The following VRK1 variants were observed in gnomAD, a reference collection of about 807,000 sequenced individuals.
VRK1 encodes the protein VRK serine/threonine kinase 1, also known as serine/threonine-protein kinase VRK1.
In VRK1, 33 loss-of-function variants were observed where a neutral mutation model predicts 57.1. The observed-to-expected ratio is 0.58, with a 90% CI of 0.44 to 0.77. The LOEUF is 0.77. Ranked by LOEUF, VRK1 falls within the 30% of genes least tolerant of loss-of-function variation. The pLI is 0.00. For missense variants in VRK1, 413 were observed against 477.3 expected (o/e 0.87, Z 1.25); for synonymous variants, 137 against 147.8 (o/e 0.93, Z 0.53).
At chr14:96,851,543 T>A (rs1887950494) in intron 5 of VRK1, among the ~76,000 whole-genome samples, 2 of 152,246 alleles carry the variant, frequency 1.3e-5, no homozygotes, top group Non-Finnish European at 2.9e-5. Context: ...TTTCTAATTT[T>A]CTTCCAGTTC....
intron 1 of VRK1, among the ~76,000 whole-genome samples, chr14:96,827,540 A>G (rs1255949479): frequency 6.6e-6 from 1 of 152,038 alleles, no homozygotes; most frequent in Non-Finnish European, 1.5e-5. Flanking sequence ...GCTGTAGCTC[A>G]CTGGCCCTAC....
chr14:96,871,119 G>A (rs1007454473), intron 11 of VRK1, among the ~76,000 whole-genome samples: 1 of 152,074 alleles, frequency 6.6e-6, no homozygotes, highest in Non-Finnish European at 1.5e-5. Context: ...GCTATTTTTT[G>A]ATAGTTACAG....
At chr14:96,880,488 T>C (rs1224109018) in intron 12 of VRK1, among the ~76,000 whole-genome samples, 2 of 151,950 alleles carry the variant, frequency 1.3e-5, no homozygotes, top group East Asian at 1.9e-4. Context: ...AGAGGTGGAG[T>C]AGGAGTAGTA....
intron 1 of VRK1, among the ~76,000 whole-genome samples, chr14:96,832,166 G>C (rs926466546): frequency 1.3e-5 from 2 of 152,078 alleles, no homozygotes; most frequent in African/African-American, 2.4e-5. Flanking sequence ...CAGATAAGGA[G>C]TTTGTGTATT....
intron 1 of VRK1, among the ~76,000 whole-genome samples, chr14:96,798,572 C>T (rs1254701211): frequency 6.6e-6 from 1 of 151,654 alleles, no homozygotes; most frequent in African/African-American, 2.4e-5. Flanking sequence ...TTTTTCTTTT[C>T]TTCTTCTTTT....
At chr14:96,834,191 G>A (rs1236834870) in intron 2 of VRK1, among the ~76,000 whole-genome samples, 2 of 152,074 alleles carry the variant, frequency 1.3e-5, no homozygotes, top group African/African-American at 4.8e-5. Context: ...CTAAATTATG[G>A]ACTTAAAAAA....
In VRK1 at chr14:96,839,226, C is replaced by T. The variant is rs79690445; in HGVS notation, c.216+1409C>T. On this transcript the variant is annotated intron_variant, in intron 3 of 12. Transcript: ENST00000216639. ...TGGTTCATCCATATTGTTGGTGTAT[C>T]AATCATTTGTTTCATTTTATTGCTC... 4.6e-5 allele frequency among the ~76,000 whole-genome samples: 7 copies of T among 151,704 alleles called. No individual in the cohort carries two copies. In the East Asian group the frequency reaches 1.4e-3, roughly 29 times the overall value.
chr14:96,851,227 G>A (rs148898644), intron 5 of VRK1, among the ~76,000 whole-genome samples: 54 of 151,404 alleles, frequency 3.6e-4, no homozygotes, highest in African/African-American at 1.2e-3. Flanking sequence ...TGCAATCTCC[G>A]CCTCCCAGGT....
chr14:96,809,957 C>T (rs985389373), intron 1 of VRK1, among the ~76,000 whole-genome samples: 8 of 152,114 alleles, frequency 5.3e-5, no homozygotes, highest in Admixed American at 3.9e-4. Flanking sequence ...ATGAAAGTTC[C>T]GGTTACTCTG....
chr14:96,865,237 C>T (rs535306591), intron 11 of VRK1, among the ~76,000 whole-genome samples: 2 of 152,272 alleles, frequency 1.3e-5, no homozygotes, highest in East Asian at 3.9e-4. Flanking sequence ...TGATTTTGTG[C>T]ATGGTGTGAG....
At chr14:96,826,607 G>A (rs1886808630) in intron 1 of VRK1, among the ~76,000 whole-genome samples, 2 of 152,192 alleles carry the variant, frequency 1.3e-5, no homozygotes, top group African/African-American at 2.4e-5. Flanking sequence ...TATGTGGAAA[G>A]ATTTAATTTT....
rs760061393 is a variant in VRK1 at position 96,860,743 on chromosome 14, T to A, written c.1068+8T>A. 6.2e-7 allele frequency: 1 copy of A among 1,611,864 alleles called. No individual in the cohort carries two copies. The highest frequency in any genetic ancestry group is 1.1e-5 in the South Asian group (1 of 90,838). ...GCAAAAACAATAACAAAGGTGAATT[T>A]TGTTATTAAATTATTCTTTGGTCTT... is the stretch of plus-strand genomic sequence containing the variant. On this transcript the variant is annotated splice_region_variant and intron_variant, in intron 11 of 12. Coordinates refer to ENST00000216639, the MANE Select transcript of VRK1 (RefSeq NM_003384.3).
At position 96,853,164 on chromosome 14, in the gene VRK1, C is replaced by G. The variant is rs1310494053; in HGVS notation, c.574C>G (p.Gln192Glu). 6.2e-7 allele frequency: 1 copy of G among 1,612,140 alleles called. No homozygotes were observed. The highest frequency in any genetic ancestry group is 1.3e-5 in the African/African-American group (1 of 74,874). ...NLLLNYKNPD[Q>E]VYLVDYGLAY... The stretch of plus-strand genomic sequence containing the variant: ...TCTTCTGAACTACAAGAATCCTGAC[C>G]AGGTAGTTTTATAACTTTAATTTCT... The change falls in exon 7 of 13, where the codon CAG becomes GAG. Residue 192 changes from glutamine (Q) to glutamate (E), a missense_variant and splice_region_variant. Gln to Glu is a conservative substitution (Grantham distance 29, BLOSUM62 2). Around this residue, in one of 3 missense-constraint regions of VRK1, gnomAD observed 151 missense variants for 225.5 expected, o/e 0.67. Transcript: ENST00000216639.
intron 11 of VRK1, among the ~76,000 whole-genome samples, chr14:96,866,214 A>G (rs1888579942): frequency 6.6e-6 from 1 of 152,052 alleles, no homozygotes; most frequent in Non-Finnish European, 1.5e-5. Flanking sequence ...ATCTTTGAGA[A>G]TGTTATTCTT....
chr14:96,839,814 T>G (rs1887381226), intron 3 of VRK1, among the ~76,000 whole-genome samples: 1 of 152,214 alleles, frequency 6.6e-6, no homozygotes, highest in African/African-American at 2.4e-5. Context: ...GTTTATAGTT[T>G]GCCTATTCAT....
At chr14:96,808,971 C>T (rs551167076) in intron 1 of VRK1, among the ~76,000 whole-genome samples, 1 of 152,270 alleles carries the variant, frequency 6.6e-6, no homozygotes, top group South Asian at 2.1e-4. Flanking sequence ...CTGTATGGTA[C>T]CTTGACTAGA....
At position 96,852,967 on chromosome 14, in the gene VRK1, T is replaced by G. The variant is rs770649753; in HGVS notation, c.483+28T>G. The stretch of plus-strand genomic sequence containing the variant: ...ATGTGAGCTATGTTCTTCTTGTTTT[T>G]AAAAAATTGTTTTGAGTACAGTAAA... On this transcript the variant is annotated intron_variant, in intron 6 of 12. Transcript: ENST00000216639. 1.9e-6 allele frequency: 3 copies of G among 1,611,488 alleles called. No homozygotes were observed. In the African/African-American group the frequency reaches 4.0e-5, roughly 22 times the overall value.
At chr14:96,805,991 T>C (rs1451780229) in intron 1 of VRK1, among the ~76,000 whole-genome samples, 1 of 147,362 alleles carries the variant, frequency 6.8e-6, no homozygotes, top group Non-Finnish European at 1.5e-5. Context: ...TTTCTTTTTT[T>C]TTTTTTTTTT....
chr14:96,809,449 A>G (rs1886071325), intron 1 of VRK1, among the ~76,000 whole-genome samples: 1 of 152,008 alleles, frequency 6.6e-6, no homozygotes, highest in Non-Finnish European at 1.5e-5. Context: ...ATAATCATAT[A>G]CTTATGTATA....
Sources: gnomAD v4.1 joint callset for allele counts (sites outside exome capture counted in the v4.1 genomes callset) on GRCh38, gnomAD v4.1.1 for gene constraint, gnomAD v4.1.1 regional missense constraint, MANE v1.5 for transcripts, NCBI Gene and HGNC (gene_info 2026-07-23, HGNC 2026-07-21) for gene names.